The following FADS2 variants were observed in gnomAD, a reference collection of about 807,000 sequenced individuals.
FADS2 encodes the protein acyl-CoA 6-desaturase.
In FADS2, 18 loss-of-function variants were observed where a neutral mutation model predicts 61.2. The ratio of observed to expected loss-of-function variants is 0.29; its 90% CI spans 0.20 to 0.44. The LOEUF (loss-of-function observed/expected upper bound fraction) is 0.44. Ranked by LOEUF, FADS2 falls within the 20% of genes least tolerant of loss-of-function variation. The pLI, the probability that FADS2 is intolerant of heterozygous loss-of-function variation, is 1.00. For missense variants in FADS2, 322 were observed against 572.7 expected (o/e 0.56, Z 4.47); for synonymous variants, 203 against 223.9 (o/e 0.91, Z 0.83).
rs992834439 is a variant in FADS2 at position 61,828,753 on chromosome 11, C to T, written c.207+156C>T. 3.7e-5 allele frequency: 24 copies of T among 652,166 alleles called. No homozygotes were observed. The highest frequency in any genetic ancestry group is 9.8e-5 in the South Asian group (5 of 51,062). The allele number at this position is 652,166 out of a possible 1,614,324, so 40.4% of individuals were successfully genotyped here. On this transcript the variant is annotated intron_variant, in intron 1 of 11. Coordinates refer to ENST00000278840, the MANE Select transcript of FADS2 (RefSeq NM_004265.4). The surrounding 1 kb of genome is among the most constrained non-coding windows in gnomAD (Gnocchi z 6.4). ...ATCTATTGCACTCGTACCCCCTCCC[C>T]AATCCTCCTCCTCCTCTGGGCCGAC... is the stretch of plus-strand genomic sequence containing the variant.
rs921537374 is a variant in FADS2, at chr11:61,816,484, C to A, written c.141+58C>A. The stretch of plus-strand genomic sequence containing the variant: ...ATTAGTCGGTGTTTGGCTCGGAGTG[C>A]GTAACTCTGTCTCCCCTGCACTCAG... On this transcript the variant is annotated intron_variant, in intron 1 of 11. Transcript: ENST00000257261. This position sits in a 1 kb window ranked among gnomAD's most constrained non-coding sequence, Gnocchi z 7.0. 3.7e-6 allele frequency: 6 copies of A among 1,600,876 alleles called. No homozygotes were observed. The highest frequency in any genetic ancestry group is 4.2e-6 in the Non-Finnish European group (5 of 1,178,572).
At chr11:61,855,064 T>A (rs2067344243) in intron 5 of FADS2, 1 of 152,484 alleles carries the variant, frequency 6.6e-6, no homozygotes, top group Non-Finnish European at 1.5e-5. Flanking sequence ...GGGTGCCTAC[T>A]GTGCACATGC....
At chr11:61,860,752 C>G (rs1256019315) in intron 7 of FADS2, among the ~76,000 whole-genome samples, 1 of 152,062 alleles carries the variant, frequency 6.6e-6, no homozygotes, top group African/African-American at 2.4e-5. Flanking sequence ...GAAACCCTGT[C>G]TCTACAAAAA....
intron 2 of FADS2, among the ~76,000 whole-genome samples, chr11:61,839,305 AT>A (rs1293550243): frequency 3.3e-5 from 5 of 150,684 alleles, no homozygotes; most frequent in Admixed American, 1.3e-4. Flanking sequence ...TGCAAGTTTT[AT>A]TTTTCTTTTC....
chr11:61,845,459 G>C (rs2067249455), intron 4 of FADS2, among the ~76,000 whole-genome samples: 1 of 152,150 alleles, frequency 6.6e-6, no homozygotes, highest in African/African-American at 2.4e-5. Flanking sequence ...CCGGAAGGAG[G>C]GGCTCTTGAA....
In FADS2 at chr11:61,828,420, G is replaced by T; in HGVS notation, c.30G>T (p.Gly10=). MGKGGNQGE[G]AAEREVSVPT... ...GGAAGGGAGGGAACCAGGGCGAGGG[G>T]GCCGCCGAGCGCGAGGTGTCGGTGC... is the stretch of plus-strand genomic sequence containing the variant. The change falls in exon 1 of 12, where the codon GGG becomes GGT. Residue 10 remains glycine, a synonymous_variant. Transcript: ENST00000278840. The surrounding 1 kb of genome is among the most constrained non-coding windows in gnomAD (Gnocchi z 6.4). 4 of 1,578,490 alleles carry T rather than the reference G, an allele frequency of 2.5e-6. No homozygotes were observed. The highest frequency in any genetic ancestry group is 1.8e-4 in the Middle Eastern group (1 of 5,592).
chr11:61,826,140 A>G, upstream of FADS2: 1 of 702,654 alleles, frequency 1.4e-6, no homozygotes, highest in Non-Finnish European at 2.6e-6. Context: ...CCTCCATGGT[A>G]AAGTCCTCCC....
At chr11:61,827,259 C>T (rs1417889970), upstream of FADS2, 1 of 152,250 alleles carries the variant, frequency 6.6e-6, no homozygotes, top group East Asian at 1.9e-4. This position sits in a 1 kb window ranked among gnomAD's most constrained non-coding sequence, Gnocchi z 4.5. Flanking sequence ...TTGCTGGAGT[C>T]TGCACAACAT....
chr11:61,853,568 G>C (rs174597), intron 5 of FADS2, among the ~76,000 whole-genome samples: 37,976 of 151,750 alleles, frequency 0.25, 5,232 homozygotes, highest in African/African-American at 0.33. Flanking sequence ...GAAGCCGTGC[G>C]GTGCCTGAGA....
rs762478718 is a variant in FADS2, at chr11:61,828,390, C to T, written c.-1C>T. 3.2e-6 allele frequency: 5 copies of T among 1,559,144 alleles called. No individual in the cohort carries two copies. The Admixed American group carries it at 9.8e-5, about 30-fold the overall frequency. On this transcript the variant is annotated 5_prime_UTR_variant, in exon 1 of 12. Coordinates refer to ENST00000278840, the MANE Select transcript of FADS2 (RefSeq NM_004265.4). This position sits in a 1 kb window ranked among gnomAD's most constrained non-coding sequence, Gnocchi z 6.4. ...ACGGGGCGTCACAGTCGGCAGGCAG[C>T]ATGGGGAAGGGAGGGAACCAGGGCG...
intron 7 of FADS2, among the ~76,000 whole-genome samples, chr11:61,858,191 A>G (rs1473264660): frequency 6.6e-6 from 1 of 151,974 alleles, no homozygotes; most frequent in African/African-American, 2.4e-5. Flanking sequence ...TATTTTGTTT[A>G]TTTGTTTATT....
Position 61,863,768 on chromosome 11 carries a change from A to G in FADS2, c.1139A>G (p.Asn380Ser). The G allele has an allele frequency of 6.2e-7, 1 of 1,614,030 alleles. No homozygotes were observed. Residue 380 changes from asparagine to serine, a missense_variant, in exon 10 of 12, where the codon AAC becomes AGC. By Grantham distance (46) the Asn-to-Ser change is conservative. Coordinates refer to ENST00000278840, the MANE Select transcript of FADS2 (RefSeq NM_004265.4). ...FFNDWFSGHLNFQIEHHLFPT... is the reference protein window; with the variant it reads ...FFNDWFSGHLSFQIEHHLFPT... ...AACGACTGGTTCAGTGGACACCTTAACTTCCAGATTGAGCACCAGTGAGCG... is the reference window on the plus strand; with the variant it reads ...AACGACTGGTTCAGTGGACACCTTAGCTTCCAGATTGAGCACCAGTGAGCG...
intron 5 of FADS2, chr11:61,849,787 T>G (rs2067290009): frequency 6.6e-6 from 1 of 152,094 alleles, no homozygotes; most frequent in Admixed American, 6.6e-5. Flanking sequence ...CCCAGCGCTT[T>G]GGGAGGCTGA....
intron 8 of FADS2, 94 bp from the exon 9 acceptor site, chr11:61,863,188 G>C: frequency 7.0e-7 from 1 of 1,428,468 alleles, no homozygotes; most frequent in Admixed American, 1.7e-5. Flanking sequence ...TGGCCCCTTG[G>C]CAGGGGCTGT....
At chr11:61,836,998 T>C (rs1407053710) in intron 1 of FADS2, among the ~76,000 whole-genome samples, 1 of 152,244 alleles carries the variant, frequency 6.6e-6, no homozygotes, top group Non-Finnish European at 1.5e-5. Flanking sequence ...GAAGGAAAAA[T>C]GCTAAAATAT....
chr11:61,845,814 A>C, intron 4 of FADS2, among the ~76,000 whole-genome samples: 1 of 151,348 alleles, frequency 6.6e-6, no homozygotes, highest in Non-Finnish European at 1.5e-5. Flanking sequence ...ATGGAAGAGA[A>C]TCACAGCAGA....
At position 61,816,913 on chromosome 11, in the gene FADS2, G is replaced by A. The variant is rs1259972156; in HGVS notation, c.141+487G>A. On this transcript the variant is annotated intron_variant, in intron 1 of 11. Transcript: ENST00000257261. The surrounding 1 kb of genome is among the most constrained non-coding windows in gnomAD (Gnocchi z 7.0). ...ACCGCAGGGCAGACCGGCGGGCCTCGCAGCGCGCGTTCCCATTGGCCGAGC... is the reference window on the plus strand; with the variant it reads ...ACCGCAGGGCAGACCGGCGGGCCTCACAGCGCGCGTTCCCATTGGCCGAGC... 7 of 1,404,754 alleles carry A rather than the reference G, an allele frequency of 5.0e-6. No homozygotes were observed. The African/African-American group carries it at 7.6e-5, about 15-fold the overall frequency. The allele number at this position is 1,404,754 out of a possible 1,614,324, so 87.0% of individuals were successfully genotyped here.
intron 7 of FADS2, among the ~76,000 whole-genome samples, chr11:61,861,036 C>A (rs915280762): frequency 6.6e-6 from 1 of 151,110 alleles, no homozygotes; most frequent in Non-Finnish European, 1.5e-5. Flanking sequence ...GAGACCCCCC[C>A]ATCTCTATAA....
At position 61,848,410 on chromosome 11, in the gene FADS2, C is replaced by A. The variant is rs1471145403; in HGVS notation, c.744+126C>A. The A allele has an allele frequency of 2.0e-6, 3 of 1,488,972 alleles. No individual in the cohort carries two copies. In the African/African-American group the frequency reaches 4.1e-5, roughly 20 times the overall value. 92.2% of individuals were successfully genotyped at this position (1,488,972 alleles called of 1,614,324 possible). A position where few individuals can be genotyped will look rare whatever the true frequency, so the allele number is the denominator to read the frequency against. ...TTTGGCCTGGGCGAATGGCAGCCAT[C>A]GAGGTACGACTAAGGGGTTGGTGTT... On this transcript the variant is annotated intron_variant, in intron 5 of 11. Transcript: ENST00000278840.
Sources: gnomAD v4.1 joint callset for allele counts (sites outside exome capture counted in the v4.1 genomes callset) on GRCh38, gnomAD v4.1.1 for gene constraint, Gnocchi (gnomAD v3.1) non-coding constraint, MANE v1.5 for transcripts, NCBI Gene and HGNC (gene_info 2026-07-23, HGNC 2026-07-21) for gene names.